The following NDEL1 variants were observed in gnomAD, a reference collection of about 807,000 sequenced individuals.
NDEL1 encodes the protein nuclear distribution protein nudE-like 1.
A neutral mutation model predicts 45.7 loss-of-function variants in NDEL1; 9 were observed. The ratio of observed to expected loss-of-function variants is 0.20; its 90% CI spans 0.12 to 0.34. The LOEUF is 0.34. Among genes scored for constraint, NDEL1 ranks in the 10% least tolerant of loss-of-function variants. The pLI, the probability that NDEL1 is intolerant of heterozygous loss-of-function variation, is 1.00. For missense variants in NDEL1, 306 were observed against 406.2 expected (o/e 0.75, Z 2.12); for synonymous variants, 133 against 158.6 (o/e 0.84, Z 1.21).
intron 7 of NDEL1, among the ~76,000 whole-genome samples, chr17:8,456,364 G>A (rs1436314361): frequency 6.6e-6 from 1 of 151,478 alleles, no homozygotes; most frequent in Non-Finnish European, 1.5e-5. Context: ...GAAATCATGT[G>A]CTTATTTTTC....
chr17:8,417,670 A>G (rs1391767), intron 1 of NDEL1, among the ~76,000 whole-genome samples: 108,569 of 151,964 alleles, frequency 0.71, 39,348 homozygotes, highest in Middle Eastern at 0.8. Flanking sequence ...TGCCTGGAGG[A>G]TACAAGCCAG....
At chr17:8,416,137 T>C (rs1597510143) in intron 1 of NDEL1, among the ~76,000 whole-genome samples, 1 of 152,166 alleles carries the variant, frequency 6.6e-6, no homozygotes, top group Admixed American at 6.5e-5. Context: ...CTCCAGAACT[T>C]CTTCATCTTC....
chr17:8,467,735 G>T lies in NDEL1; in HGVS notation c.*712G>T, dbSNP rs566790422. The stretch of plus-strand genomic sequence containing the variant: ...CTCAGACTCGGGGTGAGGGAGGCGG[G>T]CAGCCTCTCGCCAGCCTTCCCGTCC... On this transcript the variant is annotated 3_prime_UTR_variant, in exon 9 of 9. Coordinates refer to ENST00000334527, the MANE Select transcript of NDEL1 (RefSeq NM_030808.5). The surrounding 1 kb of genome is among the most constrained non-coding windows in gnomAD (Gnocchi z 6.3). 854 of 152,926 alleles carry T rather than the reference G, an allele frequency of 5.6e-3. 6 individuals are homozygous for T. In the Middle Eastern group the frequency reaches 0.058, roughly 10 times the overall value. 9.5% of individuals were successfully genotyped at this position (152,926 alleles called of 1,614,324 possible).
intron 1 of NDEL1, among the ~76,000 whole-genome samples, chr17:8,416,985 C>T (rs928411212): frequency 6.6e-5 from 10 of 152,134 alleles, no homozygotes; most frequent in African/African-American, 2.2e-4. Context: ...TTTGAAGCCC[C>T]GTGTTCTTGT....
At chr17:8,435,838 C>T (rs1264842502), upstream of NDEL1, 1 of 446,184 alleles carries the variant, frequency 2.2e-6, no homozygotes, top group Middle Eastern at 6.8e-4. Flanking sequence ...GCGCATGCTC[C>T]GAGCCCCGCC....
chr17:8,424,155 G>A (rs977635725), intron 1 of NDEL1, among the ~76,000 whole-genome samples: 1 of 152,186 alleles, frequency 6.6e-6, no homozygotes, highest in Non-Finnish European at 1.5e-5. Context: ...TTTGTCTAAC[G>A]TATAACGTAT....
chr17:8,463,166 C>A, intron 8 of NDEL1: 6 of 541,050 alleles, frequency 1.1e-5, no homozygotes, highest in African/African-American at 3.9e-5. Context: ...TTTCCCATAA[C>A]TTTATGTAGT....
intron 1 of NDEL1, among the ~76,000 whole-genome samples, chr17:8,418,133 T>G (rs191444587): frequency 2.4e-4 from 36 of 152,328 alleles, no homozygotes; most frequent in Admixed American, 4.6e-4. Flanking sequence ...CGCTTACTCA[T>G]CCACTTTCCA....
chr17:8,442,052 T>C (rs1909768730), intron 1 of NDEL1, among the ~76,000 whole-genome samples: 1 of 152,216 alleles, frequency 6.6e-6, no homozygotes, highest in Admixed American at 6.5e-5. Context: ...TGGCTCTTGG[T>C]TGTCCATTTA....
upstream of NDEL1, among the ~76,000 whole-genome samples, chr17:8,434,814 G>A (rs552729499): frequency 8.6e-5 from 13 of 152,022 alleles, no homozygotes; most frequent in Admixed American, 6.5e-4. Context: ...TCTCACGCCT[G>A]TAATCCCAGC....
At chr17:8,436,172 G>T (rs1909321585) in intron 1 of NDEL1, 127 bp downstream of exon 1, 3 of 251,166 alleles carry the variant, frequency 1.2e-5, no homozygotes, top group Non-Finnish European at 2.4e-5. Context: ...GCCGGGCCGG[G>T]TTCCGGGGCG....
intron 7 of NDEL1, among the ~76,000 whole-genome samples, chr17:8,458,043 C>T (rs1910959724): frequency 6.6e-6 from 1 of 152,210 alleles, no homozygotes; most frequent in Admixed American, 6.5e-5. Flanking sequence ...GCACACGCCC[C>T]AGACACTTTA....
chr17:8,449,071 C>T (rs186190692), intron 5 of NDEL1, among the ~76,000 whole-genome samples: 1 of 152,364 alleles, frequency 6.6e-6, no homozygotes, highest in East Asian at 1.9e-4. Context: ...CAAATTCCGC[C>T]TCCTGGGTTC....
At chr17:8,453,256 A>G (rs1391738515) in intron 6 of NDEL1, among the ~76,000 whole-genome samples, 1 of 152,198 alleles carries the variant, frequency 6.6e-6, no homozygotes, top group Non-Finnish European at 1.5e-5. Flanking sequence ...CCCTACCTTC[A>G]ATGAGATTAT....
intron 7 of NDEL1, among the ~76,000 whole-genome samples, chr17:8,459,387 A>C (rs975111403): frequency 6.6e-6 from 1 of 152,172 alleles, no homozygotes; most frequent in African/African-American, 2.4e-5. Context: ...AAGGGTGCCC[A>C]ATTTAGAGGT....
intron 1 of NDEL1, among the ~76,000 whole-genome samples, chr17:8,419,626 A>G (rs1908652285): frequency 6.6e-6 from 1 of 152,318 alleles, no homozygotes; most frequent in Non-Finnish European, 1.5e-5. Context: ...TCTCTTGATC[A>G]CGACCCCATC....
chr17:8,430,511 A>G (rs1908973835), intron 1 of NDEL1, among the ~76,000 whole-genome samples: 1 of 152,102 alleles, frequency 6.6e-6, no homozygotes, highest in Admixed American at 6.5e-5. Flanking sequence ...GATCTCTCTT[A>G]GGGTAGCCGG....
intron 8 of NDEL1, among the ~76,000 whole-genome samples, chr17:8,460,678 C>T (rs1283015543): frequency 6.6e-6 from 1 of 152,100 alleles, no homozygotes; most frequent in Non-Finnish European, 1.5e-5. Context: ...AAGGTTGAAG[C>T]ATCCTTAATG....
At chr17:8,436,638 G>C (rs904729439) in intron 1 of NDEL1, 3 of 152,348 alleles carry the variant, frequency 2.0e-5, no homozygotes, top group African/African-American at 7.2e-5. Context: ...GGTTACTTGT[G>C]CTCGACTCTT....
Sources: allele counts gnomAD v4.1 joint callset (sites outside exome capture counted in the v4.1 genomes callset), GRCh38; gene constraint gnomAD v4.1.1; non-coding constraint Gnocchi (gnomAD v3.1); transcripts MANE v1.5; gene names NCBI Gene and HGNC (gene_info 2026-07-23, HGNC 2026-07-21).